The following RBFOX1 variants were observed in gnomAD, a reference collection of about 807,000 sequenced individuals.
The protein encoded by RBFOX1 is RNA binding fox-1 homolog 1.
A neutral mutation model predicts 57.7 loss-of-function variants in RBFOX1; 8 were observed. That is an observed-to-expected ratio of 0.14 (90% confidence interval 0.08 to 0.25). The LOEUF is 0.25. Ranked by LOEUF, RBFOX1 falls within the 10% of genes least tolerant of loss-of-function variation. The pLI, the probability that RBFOX1 is intolerant of heterozygous loss-of-function variation, is 1.00. For synonymous variants in RBFOX1, 326 were observed against 222.4 expected, an observed-to-expected ratio of 1.47 and a Z score of -4.15; for missense variants, 611 against 548.5, an observed-to-expected ratio of 1.11 and a Z score of -1.14.
intron 3 of RBFOX1, among the ~76,000 whole-genome samples, chr16:7,004,732 G>C (rs907530628): frequency 2.6e-5 from 4 of 152,184 alleles, no homozygotes; most frequent in African/African-American, 9.7e-5. Context: ...TGGTATTCAA[G>C]AAAGGAGAAG....
At chr16:6,516,575 A>T (rs976599855) in intron 2 of RBFOX1, among the ~76,000 whole-genome samples, 15 of 152,192 alleles carry the variant, frequency 9.9e-5, no homozygotes, top group Admixed American at 8.5e-4. Flanking sequence ...GTACATGAAG[A>T]GTGACTAGTT....
At chr16:7,200,645 C>G (rs1171988608) in intron 4 of RBFOX1, among the ~76,000 whole-genome samples, 1 of 152,140 alleles carries the variant, frequency 6.6e-6, no homozygotes, top group East Asian at 1.9e-4. Flanking sequence ...GAATAGAGTG[C>G]TTGGAAATAG....
chr16:5,785,486 C>T (rs886239474), intron 3 of RBFOX1, among the ~76,000 whole-genome samples: 1 of 152,058 alleles, frequency 6.6e-6, no homozygotes, highest in African/African-American at 2.4e-5. Context: ...AGGGTCTCTG[C>T]ATGGTGTCTT....
At chr16:6,241,075 C>G (rs1330259832) in intron 1 of RBFOX1, among the ~76,000 whole-genome samples, 2 of 152,180 alleles carry the variant, frequency 1.3e-5, no homozygotes, top group Admixed American at 6.5e-5. Flanking sequence ...CATAACTACT[C>G]AACTTATCCC....
In RBFOX1 at chr16:7,013,299, T is replaced by C. The variant is rs544515469; in HGVS notation, c.-15-38758T>C. On this transcript the variant is annotated intron_variant, in intron 3 of 15. Transcript: ENST00000550418. ...GGTAATTCAATGAAGTAAGGTATGC[T>C]AGGAGCTTAACTCAGTGTTCTGCTC... Among the ~76,000 whole-genome samples the C allele has an allele frequency of 4.1e-4, 63 of 152,288 alleles. 1 individual carries two copies. Among genetic ancestry groups the C allele is most frequent in the African/African-American group, 1.5e-3 (62 of 41,582 alleles).
At chr16:5,287,832 G>A (rs1485789207) in intron 1 of RBFOX1, among the ~76,000 whole-genome samples, 15 of 152,346 alleles carry the variant, frequency 9.8e-5, no homozygotes, top group South Asian at 2.1e-4. Flanking sequence ...AATATGCTCC[G>A]ATTCTTCAGT....
chr16:6,254,567 G>C (rs2097648654), intron 1 of RBFOX1, among the ~76,000 whole-genome samples: 1 of 152,116 alleles, frequency 6.6e-6, no homozygotes, highest in East Asian at 1.9e-4. Context: ...TCTTAAACTT[G>C]GTTTATTTTC....
rs982342740 is a variant in RBFOX1 at position 7,572,829 on chromosome 16, A to G, written c.271-6948A>G. 1.4e-4 allele frequency among the ~76,000 whole-genome samples: 21 copies of G among 152,080 alleles called. 1 individual carries two copies. Among genetic ancestry groups the G allele is most frequent in the Admixed American group, 1.2e-3 (19 of 15,252 alleles). ...ACTCCAGCCTGGGCAACAGAGTGAG[A>G]GTCTCTCTCAAATGAATAAATAAAT... On this transcript the variant is annotated intron_variant, in intron 5 of 15. Coordinates refer to ENST00000550418, the MANE Select transcript of RBFOX1 (RefSeq NM_018723.4).
chr16:6,235,719 A>G (rs1326958184), intron 1 of RBFOX1, among the ~76,000 whole-genome samples: 2 of 152,100 alleles, frequency 1.3e-5, no homozygotes, highest in Non-Finnish European at 2.9e-5. Flanking sequence ...GATCTGAATG[A>G]GATTGGAGAC....
intron 2 of RBFOX1, among the ~76,000 whole-genome samples, chr16:6,561,672 G>GT (rs1181852122): frequency 6.6e-6 from 1 of 152,074 alleles, no homozygotes; most frequent in Non-Finnish European, 1.5e-5. Flanking sequence ...TTATCTTTTT[G>GT]TTTTTTCTTT....
At chr16:6,604,005 A>T (rs2097891182) in intron 2 of RBFOX1, among the ~76,000 whole-genome samples, 1 of 152,144 alleles carries the variant, frequency 6.6e-6, no homozygotes, top group East Asian at 1.9e-4. Context: ...TCTGCAGCTA[A>T]CTGTGGTCCT....
chr16:7,248,693 G>GA (rs1424140443), intron 4 of RBFOX1, among the ~76,000 whole-genome samples: 1 of 152,142 alleles, frequency 6.6e-6, no homozygotes, highest in Non-Finnish European at 1.5e-5. Flanking sequence ...TAAGCACCAA[G>GA]AAAATTAGAG....
intron 2 of RBFOX1, among the ~76,000 whole-genome samples, chr16:5,520,853 A>G (rs1243254269): frequency 6.6e-6 from 1 of 152,144 alleles, no homozygotes; most frequent in East Asian, 1.9e-4. Context: ...GGCCTCTTTG[A>G]TCAAGTTTCC....
chr16:7,237,575 C>G (rs1349662437), intron 4 of RBFOX1, among the ~76,000 whole-genome samples: 2 of 152,192 alleles, frequency 1.3e-5, no homozygotes, highest in Non-Finnish European at 2.9e-5. Context: ...AACTGGCTTC[C>G]TATGTCAACT....
chr16:7,215,925 G>A (rs567805835), intron 4 of RBFOX1, among the ~76,000 whole-genome samples: 82 of 152,146 alleles, frequency 5.4e-4, no homozygotes, highest in African/African-American at 1.9e-3. Flanking sequence ...GGGTTTCACC[G>A]TGTTAGCCAG....
intron 4 of RBFOX1, chr16:7,332,634 G>A: frequency 2.6e-6 from 1 of 382,788 alleles, no homozygotes; most frequent in Non-Finnish European, 3.9e-6. Context: ...CTCATAGCCT[G>A]GTTCCCTCTG....
At chr16:6,959,225 C>G (rs990756557) in intron 3 of RBFOX1, among the ~76,000 whole-genome samples, 3 of 152,148 alleles carry the variant, frequency 2.0e-5, no homozygotes, top group Admixed American at 1.3e-4. Context: ...AAAAGTACCT[C>G]TCTTTGCTAA....
At chr16:6,955,231 A>G (rs1050552949) in intron 3 of RBFOX1, among the ~76,000 whole-genome samples, 2 of 152,106 alleles carry the variant, frequency 1.3e-5, no homozygotes, top group East Asian at 1.9e-4. Flanking sequence ...ACAGAGTGAG[A>G]CCTTGTCTGG....
chr16:7,342,170 C>G (rs2096910689), intron 4 of RBFOX1, among the ~76,000 whole-genome samples: 1 of 152,184 alleles, frequency 6.6e-6, no homozygotes, highest in African/African-American at 2.4e-5. Flanking sequence ...CTGTGTTACT[C>G]TTGGTAAGTT....
Sources: allele counts gnomAD v4.1 joint callset (sites outside exome capture counted in the v4.1 genomes callset), GRCh38; gene constraint gnomAD v4.1.1; transcripts MANE v1.5; gene names NCBI Gene and HGNC (gene_info 2026-07-23, HGNC 2026-07-21).